Variants in RFX3 observed in about 807,000 individuals in gnomAD.
RFX3 encodes regulatory factor X3, also known as transcription factor RFX3.
In RFX3, 14 loss-of-function variants were observed where a neutral mutation model predicts 98.6. The ratio of observed to expected loss-of-function variants is 0.14; its 90% CI spans 0.09 to 0.22. The LOEUF (loss-of-function observed/expected upper bound fraction) is 0.22. Among genes scored for constraint, RFX3 ranks in the 10% least tolerant of loss-of-function variants. The probability of loss-of-function intolerance (pLI) is 1.00; values close to 1 mark genes in which losing one functional copy is unlikely to be tolerated. For synonymous variants in RFX3, 383 were observed against 328.4 expected, an observed-to-expected ratio of 1.17 and a Z score of -1.80; for missense variants, 639 against 926.9, an observed-to-expected ratio of 0.69 and a Z score of 4.03.
At chr9:3,496,749 A>C (rs1851133789) in intron 1 of RFX3, among the ~76,000 whole-genome samples, 1 of 152,010 alleles carries the variant, frequency 6.6e-6, no homozygotes, top group Non-Finnish European at 1.5e-5. Context: ...CAGGATTTGA[A>C]CTCTGGTTTC....
chr9:3,247,582 T>A, intron 15 of RFX3: 1 of 1,235,714 alleles, frequency 8.1e-7, no homozygotes, highest in African/African-American at 1.5e-5. Flanking sequence ...AAAATGTTAG[T>A]TATCATCATT....
At chr9:3,331,950 G>A (rs776602692) in intron 3 of RFX3, among the ~76,000 whole-genome samples, 3 of 152,016 alleles carry the variant, frequency 2.0e-5, no homozygotes, top group Non-Finnish European at 4.4e-5. Context: ...AAAATTTAAC[G>A]TATGATGAGA....
At chr9:3,317,872 A>G (rs1830807838) in intron 4 of RFX3, among the ~76,000 whole-genome samples, 1 of 152,216 alleles carries the variant, frequency 6.6e-6, no homozygotes, top group South Asian at 2.1e-4. Flanking sequence ...TCAGGAAACA[A>G]CAGGTGCTGG....
chr9:3,311,225 T>C (rs1435071001), intron 4 of RFX3, among the ~76,000 whole-genome samples: 1 of 152,208 alleles, frequency 6.6e-6, no homozygotes, highest in Non-Finnish European at 1.5e-5. Context: ...CTGGGTAATT[T>C]CTCTTCTGAT....
chr9:3,244,108 T>G (rs906812145), intron 15 of RFX3, among the ~76,000 whole-genome samples: 4 of 152,008 alleles, frequency 2.6e-5, no homozygotes, highest in African/African-American at 9.7e-5. Context: ...TTCAAGCAAT[T>G]CTCCTGGTCT....
chr9:3,375,025 A>G (rs1838300982), intron 2 of RFX3, among the ~76,000 whole-genome samples: 1 of 152,226 alleles, frequency 6.6e-6, no homozygotes, highest in African/African-American at 2.4e-5. Context: ...AATATTATCC[A>G]TACTATTTGC....
intron 11 of RFX3, among the ~76,000 whole-genome samples, chr9:3,266,962 C>T (rs1010173305): frequency 1.3e-5 from 2 of 151,978 alleles, no homozygotes; most frequent in African/African-American, 4.8e-5. Context: ...CCTAAAATAG[C>T]TCATTCTGTA....
At chr9:3,344,691 A>G in intron 3 of RFX3, 1 of 601,426 alleles carries the variant, frequency 1.7e-6, no homozygotes, top group African/African-American at 1.9e-5. Context: ...GCCCATTACT[A>G]CTTGTCACAG....
At chr9:3,291,002 C>A (rs1489379510) in intron 6 of RFX3, among the ~76,000 whole-genome samples, 1 of 152,150 alleles carries the variant, frequency 6.6e-6, no homozygotes, top group Non-Finnish European at 1.5e-5. Context: ...CAGAGGGGTC[C>A]TCCTATACCT....
chr9:3,466,318 A>G (rs1848213372), intron 1 of RFX3, among the ~76,000 whole-genome samples: 1 of 152,212 alleles, frequency 6.6e-6, no homozygotes, highest in African/African-American at 2.4e-5. Context: ...TCCTATTCCT[A>G]GCTCCATGCT....
intron 1 of RFX3, among the ~76,000 whole-genome samples, chr9:3,440,344 G>A (rs898792360): frequency 6.6e-6 from 1 of 151,968 alleles, no homozygotes; most frequent in African/African-American, 2.4e-5. Context: ...CATCTAGACA[G>A]AAAGTTAGCA....
intron 1 of RFX3, among the ~76,000 whole-genome samples, chr9:3,518,625 T>C (rs980493188): frequency 1.3e-5 from 2 of 152,224 alleles, no homozygotes; most frequent in African/African-American, 4.8e-5. Context: ...AGTATTTCAT[T>C]CTGATGAAAA....
chr9:3,228,491 T>C (rs978642659), intron 16 of RFX3, among the ~76,000 whole-genome samples: 2 of 152,212 alleles, frequency 1.3e-5, no homozygotes, highest in Non-Finnish European at 2.9e-5. Flanking sequence ...TCTTTTTTCT[T>C]GCCTGGTGGG....
At position 3,266,341 on chromosome 9, in the gene RFX3, G is replaced by A. The variant is rs1017506585; in HGVS notation, c.1358-36C>T. 5.2e-6 allele frequency: 7 copies of A among 1,338,378 alleles called. No homozygotes were observed. The African/African-American group carries it at 1.0e-4, about 19-fold the overall frequency. 82.9% of individuals were successfully genotyped at this position (1,338,378 alleles called of 1,614,324 possible). ...AAGAATAAAAGCAGGATAAAAAAAA[G>A]TATGAAAGAATATTAATGTTTGTGC... is the stretch of plus-strand genomic sequence containing the variant. On this transcript the variant is annotated intron_variant, in intron 11 of 16. Coordinates refer to ENST00000617270, the MANE Select transcript of RFX3 (RefSeq NM_001282116.2).
chr9:3,270,908 A>G, intron 10 of RFX3, 95 bp downstream of exon 10: 1 of 1,545,600 alleles, frequency 6.5e-7, no homozygotes, highest in Non-Finnish European at 8.9e-7. Flanking sequence ...TAATGTCATC[A>G]GGTAAGGTTC....
At chr9:3,248,910 C>T (rs10970956) in intron 14 of RFX3, among the ~76,000 whole-genome samples, 13,726 of 151,778 alleles carry the variant, frequency 0.09, 879 homozygotes, top group East Asian at 0.36. Context: ...TTATAATAAA[C>T]TCTATTATAT....
intron 9 of RFX3, among the ~76,000 whole-genome samples, chr9:3,272,246 C>A (rs1288227785): frequency 6.6e-6 from 1 of 152,142 alleles, no homozygotes; most frequent in East Asian, 1.9e-4. Flanking sequence ...GATGTCATCA[C>A]CTTTGAGGCA....
intron 2 of RFX3, among the ~76,000 whole-genome samples, chr9:3,355,621 T>C (rs1212930308): frequency 6.6e-6 from 1 of 151,890 alleles, no homozygotes; most frequent in East Asian, 1.9e-4. Context: ...CATTCTTTTT[T>C]CCATAGTTGA....
At chr9:3,287,131 A>G (rs1826719912) in intron 7 of RFX3, among the ~76,000 whole-genome samples, 1 of 151,844 alleles carries the variant, frequency 6.6e-6, no homozygotes, top group African/African-American at 2.4e-5. Context: ...AGGGCTTAAC[A>G]TCAGTATTGG....
Sources: allele counts gnomAD v4.1 joint callset (sites outside exome capture counted in the v4.1 genomes callset), GRCh38; gene constraint gnomAD v4.1.1; transcripts MANE v1.5; gene names NCBI Gene and HGNC (gene_info 2026-07-23, HGNC 2026-07-21).